The following SCOC variants were observed in gnomAD, a reference collection of about 807,000 sequenced individuals.
The protein encoded by SCOC is short coiled coil protein.
Under a neutral mutation model 9.9 loss-of-function variants are expected in SCOC, and 7 were observed. The observed-to-expected ratio is 0.71, with a 90% confidence interval of 0.40 to 1.33. SCOC has a LOEUF of 1.33. Ranked by LOEUF, SCOC falls within the 40% of genes most tolerant of loss-of-function variation. The pLI is 0.01. For synonymous variants in SCOC, 19 were observed against 28.2 expected (o/e 0.67, Z 1.03); for missense variants, 66 against 89.7 (o/e 0.74, Z 1.07).
intron 1 of SCOC, among the ~76,000 whole-genome samples, chr4:140,289,516 T>C (rs563846468): frequency 2.0e-5 from 3 of 152,332 alleles, no homozygotes; most frequent in African/African-American, 7.2e-5. Context: ...AGGGATACTG[T>C]AAACCCTTGG....
At chr4:140,339,047 C>CTA (rs1726391496), upstream of SCOC, among the ~76,000 whole-genome samples, 2 of 152,350 alleles carry the variant, frequency 1.3e-5, no homozygotes, top group Non-Finnish European at 2.9e-5. Flanking sequence ...TGACTTCAAA[C>CTA]TATACTACAA....
intron 1 of SCOC, among the ~76,000 whole-genome samples, chr4:140,260,732 C>G (rs1259474176): frequency 6.6e-6 from 1 of 152,112 alleles, no homozygotes; most frequent in Non-Finnish European, 1.5e-5. Flanking sequence ...GGAGTGGGGA[C>G]ACATGAATCT....
chr4:140,258,670 A>G (rs1182510138), intron 1 of SCOC, among the ~76,000 whole-genome samples: 2 of 152,220 alleles, frequency 1.3e-5, no homozygotes, highest in African/African-American at 2.4e-5. Flanking sequence ...AGCACAGTGA[A>G]TCTTCCTCCA....
intron 1 of SCOC, among the ~76,000 whole-genome samples, chr4:140,290,601 C>T (rs1731443279): frequency 6.6e-6 from 1 of 152,148 alleles, no homozygotes; most frequent in Admixed American, 6.5e-5. Flanking sequence ...TCACCTGAGG[C>T]CAGGAGTTCG....
At chr4:140,332,578 C>T (rs907073174) in intron 1 of SCOC, among the ~76,000 whole-genome samples, 2 of 151,944 alleles carry the variant, frequency 1.3e-5, no homozygotes, top group Admixed American at 6.6e-5. Flanking sequence ...GGGTTTTCAC[C>T]ATGTTGGCCG....
intron 1 of SCOC, among the ~76,000 whole-genome samples, chr4:140,316,336 A>AT (rs1259947247): frequency 2.0e-5 from 3 of 149,686 alleles, no homozygotes; most frequent in Admixed American, 6.7e-5. Context: ...AAATCTAGGG[A>AT]TTTTTCTCTC....
chr4:140,307,648 CCTGT>C (rs754151423), intron 1 of SCOC, among the ~76,000 whole-genome samples: 15 of 152,156 alleles, frequency 9.9e-5, no homozygotes, highest in Non-Finnish European at 1.8e-4. Flanking sequence ...GCAATCTTGG[CCTGT>C]CTGAGTTTCT....
chr4:140,370,081 T>A (rs1727987715), upstream of SCOC, among the ~76,000 whole-genome samples: 1 of 152,134 alleles, frequency 6.6e-6, no homozygotes. Flanking sequence ...TAGTTTAAAA[T>A]TACTTTCTAA....
chr4:140,288,718 A>G (rs747608619), intron 1 of SCOC, among the ~76,000 whole-genome samples: 2 of 151,904 alleles, frequency 1.3e-5, no homozygotes, highest in Non-Finnish European at 2.9e-5. Context: ...CTACACACAC[A>G]TATACAAGTT....
intron 1 of SCOC, among the ~76,000 whole-genome samples, chr4:140,299,672 C>G (rs191222152): frequency 1.3e-5 from 2 of 152,102 alleles, no homozygotes; most frequent in African/African-American, 4.8e-5. Context: ...AGAATTGTAA[C>G]GTCGTTTGTC....
At chr4:140,368,751 T>C (rs1366371713), upstream of SCOC, among the ~76,000 whole-genome samples, 1 of 152,202 alleles carries the variant, frequency 6.6e-6, no homozygotes, top group South Asian at 2.1e-4. Context: ...GATGCATTCA[T>C]CTTGTGTGCA....
intron 1 of SCOC, chr4:140,374,299 A>C (rs1330731642): frequency 2.8e-5 from 11 of 394,340 alleles, no homozygotes; most frequent in South Asian, 1.6e-4. Context: ...AAGGAGAAAG[A>C]GGATACATTC....
intron 2 of SCOC, among the ~76,000 whole-genome samples, chr4:140,351,038 A>G (rs1726952917): frequency 6.6e-6 from 1 of 151,968 alleles, no homozygotes; most frequent in African/African-American, 2.4e-5. Context: ...TAAAAAAAAA[A>G]AATTAGCTGA....
At chr4:140,341,762 G>C (rs1726518300), upstream of SCOC, among the ~76,000 whole-genome samples, 7 of 152,160 alleles carry the variant, frequency 4.6e-5, no homozygotes, top group South Asian at 1.4e-3. Flanking sequence ...AACTACATTT[G>C]TACAGAGGTC....
intron 1 of SCOC, among the ~76,000 whole-genome samples, chr4:140,321,706 C>G (rs1732505382): frequency 6.6e-6 from 1 of 152,072 alleles, no homozygotes; most frequent in Admixed American, 6.5e-5. Flanking sequence ...CAATATTAGA[C>G]AGTCTAACAT....
intron 1 of SCOC, among the ~76,000 whole-genome samples, chr4:140,296,215 A>G (rs1445679533): frequency 6.6e-6 from 1 of 152,104 alleles, no homozygotes; most frequent in Non-Finnish European, 1.5e-5. Context: ...CACAGCCCCC[A>G]CTGGCATTAA....
intron 1 of SCOC, among the ~76,000 whole-genome samples, chr4:140,286,073 T>C (rs1731258578): frequency 6.6e-6 from 1 of 151,928 alleles, no homozygotes; most frequent in African/African-American, 2.4e-5. Flanking sequence ...TAATTCCAGG[T>C]GCTCGGGGGC....
intron 2 of SCOC, among the ~76,000 whole-genome samples, chr4:140,351,866 A>T (rs1361032629): frequency 1.3e-5 from 2 of 152,152 alleles, no homozygotes; most frequent in Non-Finnish European, 2.9e-5. Context: ...AGCTGAGAGA[A>T]CACTGAGCCA....
At chr4:140,328,256 A>C (rs28660350) in intron 1 of SCOC, among the ~76,000 whole-genome samples, 2 of 152,196 alleles carry the variant, frequency 1.3e-5, no homozygotes, top group Non-Finnish European at 2.9e-5. Flanking sequence ...CTTGAGGAGC[A>C]GGGACCACAA....
Sources: gnomAD v4.1 joint callset for allele counts (sites outside exome capture counted in the v4.1 genomes callset) on GRCh38, gnomAD v4.1.1 for gene constraint, MANE v1.5 for transcripts, NCBI Gene and HGNC (gene_info 2026-07-23, HGNC 2026-07-21) for gene names.